The following MAGI2 variants were observed in gnomAD, a reference collection of about 807,000 sequenced individuals.
MAGI2 encodes the protein membrane-associated guanylate kinase, WW and PDZ domain-containing protein 2.
A neutral mutation model predicts 133.3 loss-of-function variants in MAGI2; 35 were observed. That is an observed-to-expected ratio of 0.26 (90% CI 0.20 to 0.35). The LOEUF (loss-of-function observed/expected upper bound fraction) is 0.35. Among genes scored for constraint, MAGI2 ranks in the 10% least tolerant of loss-of-function variants. The pLI, the probability that MAGI2 is intolerant of heterozygous loss-of-function variation, is 1.00. For missense variants in MAGI2, 1,636 were observed against 1,863.4 expected (o/e 0.88, Z 2.25); for synonymous variants, 729 against 710.6 (o/e 1.03, Z -0.41).
intron 2 of MAGI2, among the ~76,000 whole-genome samples, chr7:78,935,750 A>G (rs766935312): frequency 6.6e-5 from 10 of 152,088 alleles, no homozygotes; most frequent in East Asian, 1.9e-4. Flanking sequence ...CAACATAATC[A>G]TAAGAGTCAA....
intron 1 of MAGI2, among the ~76,000 whole-genome samples, chr7:79,438,592 T>C (rs1848300153): frequency 6.6e-6 from 1 of 152,098 alleles, no homozygotes; most frequent in Admixed American, 6.6e-5. Context: ...GCTAATGGCA[T>C]CTTCATCTCC....
chr7:78,974,353 G>A (rs921535176), intron 2 of MAGI2, among the ~76,000 whole-genome samples: 2 of 151,788 alleles, frequency 1.3e-5, no homozygotes, highest in Admixed American at 6.6e-5. Context: ...TCTAATGTCT[G>A]ACTTCTTGGA....
intron 20 of MAGI2, among the ~76,000 whole-genome samples, chr7:78,095,652 TGA>T (rs1435678105): frequency 6.6e-6 from 1 of 152,172 alleles, no homozygotes; most frequent in East Asian, 1.9e-4. Context: ...AGGGCATATA[TGA>T]TACCTTTTTC....
intron 2 of MAGI2, among the ~76,000 whole-genome samples, chr7:78,648,627 G>A (rs1206959477): frequency 6.6e-6 from 1 of 152,198 alleles, no homozygotes; most frequent in Admixed American, 6.5e-5. Flanking sequence ...AATTAAATCA[G>A]AATTTGGGGG....
At chr7:78,194,776 G>A in intron 12 of MAGI2, 98 bp downstream of exon 12, 1 of 1,036,086 alleles carries the variant, frequency 9.7e-7, no homozygotes, top group Admixed American at 2.9e-5. Context: ...TTGAAACTCA[G>A]AATATAAAAC....
At chr7:78,659,584 G>A (rs1812707755) in intron 2 of MAGI2, among the ~76,000 whole-genome samples, 1 of 152,054 alleles carries the variant, frequency 6.6e-6, no homozygotes, top group African/African-American at 2.4e-5. Context: ...TTCTTGACAT[G>A]AAAAAATTAT....
intron 6 of MAGI2, among the ~76,000 whole-genome samples, chr7:78,410,130 T>A (rs1797739970): frequency 6.6e-6 from 1 of 151,950 alleles, no homozygotes; most frequent in South Asian, 2.1e-4. Context: ...CTTTGTGCTC[T>A]CACATCATGT....
chr7:78,183,554 G>A (rs1393619510), intron 13 of MAGI2, among the ~76,000 whole-genome samples: 3 of 151,744 alleles, frequency 2.0e-5, no homozygotes, highest in Non-Finnish European at 2.9e-5. Flanking sequence ...ATGCACCACC[G>A]CAATCGGCCA....
intron 6 of MAGI2, among the ~76,000 whole-genome samples, chr7:78,482,735 G>A (rs55777644): frequency 0.13 from 20,098 of 151,786 alleles, 1,589 homozygotes; most frequent in South Asian, 0.26. Context: ...TGGCTGTCAA[G>A]GGTCAGGGAT....
chr7:79,024,303 C>A (rs1189927541), intron 1 of MAGI2, among the ~76,000 whole-genome samples: 1 of 152,062 alleles, frequency 6.6e-6, no homozygotes, highest in Non-Finnish European at 1.5e-5. Flanking sequence ...ATACCGGACC[C>A]CTTCCTTACA....
At position 78,316,558 on chromosome 7, in the gene MAGI2, T is replaced by A. The variant is rs542365799; in HGVS notation, c.1408+27220A>T. On this transcript the variant is annotated intron_variant, in intron 9 of 21. Transcript: ENST00000354212. The stretch of plus-strand genomic sequence containing the variant: ...GATAAAATAATCTACTATTAACTTA[T>A]CAATGCAGTCTTACAGAATCCACCT... Among the ~76,000 whole-genome samples the A allele has an allele frequency of 1.1e-3, 173 of 152,340 alleles. 1 individual carries two copies. The highest frequency in any genetic ancestry group is 3.7e-3 in the African/African-American group (154 of 41,594).
intron 15 of MAGI2, among the ~76,000 whole-genome samples, chr7:78,161,142 A>C (rs935873041): frequency 6.6e-6 from 1 of 152,220 alleles, no homozygotes; most frequent in Non-Finnish European, 1.5e-5. Flanking sequence ...AGTCCATCTT[A>C]ATATAAAATA....
intron 2 of MAGI2, among the ~76,000 whole-genome samples, chr7:78,779,844 T>C (rs1826262228): frequency 6.6e-6 from 1 of 152,214 alleles, no homozygotes; most frequent in Non-Finnish European, 1.5e-5. Context: ...GTGATGGTGC[T>C]ATACCCATTT....
intron 14 of MAGI2, 112 bp from the exon 15 acceptor site, chr7:78,168,220 G>C (rs1329187981): frequency 2.3e-6 from 2 of 883,490 alleles, no homozygotes; most frequent in East Asian, 5.1e-5. Flanking sequence ...CAGTGGCCCA[G>C]TCTCAGCTCA....
At chr7:79,091,260 G>A (rs1817024765) in intron 1 of MAGI2, among the ~76,000 whole-genome samples, 1 of 152,024 alleles carries the variant, frequency 6.6e-6, no homozygotes, top group Non-Finnish European at 1.5e-5. Context: ...CCCACCAACA[G>A]AAAGAATAAA....
chr7:79,399,090 C>CTTTTTTTTTTTTTTTTTTTTTTTTTTT (rs1337058211), intron 1 of MAGI2, among the ~76,000 whole-genome samples: 1 of 101,440 alleles, frequency 9.9e-6, no homozygotes, highest in East Asian at 3.3e-4. Context: ...TTTTTTTTTT[C>CTTTTTTTTTTTTTTTTTTTTTTTTTTT]TTTTCTTTTT....
chr7:78,944,452 C>G (rs1296476566), intron 2 of MAGI2, among the ~76,000 whole-genome samples: 1 of 152,088 alleles, frequency 6.6e-6, no homozygotes, highest in African/African-American at 2.4e-5. Flanking sequence ...CCAGTCACAA[C>G]TATGGCATTT....
rs897850561 is a variant in MAGI2 at position 78,134,938 on chromosome 7, G to A, written c.3031+83C>T. On this transcript the variant is annotated intron_variant, in intron 17 of 21. Coordinates refer to ENST00000354212, the MANE Select transcript of MAGI2 (RefSeq NM_012301.4). Reference sequence around the variant, plus strand: ...GTGACGGCAGGCAGGTGCACTCCGCGACCCTGGCGGGCAGGCTGAGAACAC... The same window carrying A: ...GTGACGGCAGGCAGGTGCACTCCGCAACCCTGGCGGGCAGGCTGAGAACAC... 5 of 1,276,540 alleles carry A rather than the reference G, an allele frequency of 3.9e-6. No individual in the cohort carries two copies. The African/African-American group carries it at 4.4e-5, about 11-fold the overall frequency. 79.1% of individuals were successfully genotyped at this position (1,276,540 alleles called of 1,614,324 possible).
At chr7:78,571,495 A>G (rs1801496083) in intron 3 of MAGI2, among the ~76,000 whole-genome samples, 1 of 152,200 alleles carries the variant, frequency 6.6e-6, no homozygotes, top group Admixed American at 6.5e-5. Context: ...AATGGGTTGT[A>G]GGCTACTGGG....
Sources: allele counts gnomAD v4.1 joint callset (sites outside exome capture counted in the v4.1 genomes callset), GRCh38; gene constraint gnomAD v4.1.1; transcripts MANE v1.5; gene names NCBI Gene and HGNC (gene_info 2026-07-23, HGNC 2026-07-21).